The following SIPA1L3 variants were observed in gnomAD, a reference collection of about 807,000 sequenced individuals.
The protein encoded by SIPA1L3 is signal induced proliferation associated 1 like 3, also known as signal-induced proliferation-associated 1-like protein 3.
A neutral mutation model predicts 150.1 loss-of-function variants in SIPA1L3; 59 were observed. The ratio of observed to expected loss-of-function variants is 0.39; its 90% CI spans 0.32 to 0.49. SIPA1L3 has a LOEUF of 0.49. Among genes scored for constraint, SIPA1L3 ranks in the 20% least tolerant of loss-of-function variants. The probability of loss-of-function intolerance (pLI) is 0.86; values close to 1 mark genes in which losing one functional copy is unlikely to be tolerated. For synonymous variants in SIPA1L3, 1,070 were observed against 1,077.6 expected (o/e 0.99, Z 0.14); for missense variants, 2,211 against 2,489.5 (o/e 0.89, Z 2.38).
chr19:38,008,308 A>T (rs937987719), intron 1 of SIPA1L3, among the ~76,000 whole-genome samples: 10 of 138,194 alleles, frequency 7.2e-5, no homozygotes, highest in Non-Finnish European at 4.5e-5. Flanking sequence ...GCTTACTGCA[A>T]CCTCTGCCTC....
chr19:38,136,761 T>A (rs1418603776), intron 10 of SIPA1L3, among the ~76,000 whole-genome samples: 1 of 152,132 alleles, frequency 6.6e-6, no homozygotes, highest in Non-Finnish European at 1.5e-5. Context: ...GAATCTTCAT[T>A]ATTTGCTGAG....
intron 1 of SIPA1L3, among the ~76,000 whole-genome samples, chr19:37,971,953 G>A (rs1271233406): frequency 1.3e-5 from 2 of 152,154 alleles, no homozygotes; most frequent in Non-Finnish European, 2.9e-5. Context: ...CTGTTGTACA[G>A]ATAGACCACA....
intron 1 of SIPA1L3, among the ~76,000 whole-genome samples, chr19:37,945,240 GT>G (rs951711816): frequency 1.2e-4 from 17 of 145,242 alleles, no homozygotes; most frequent in African/African-American, 1.5e-4. Context: ...GTCTTAGGTT[GT>G]TTTTTTTTTT....
At chr19:38,204,067 C>T in intron 20 of SIPA1L3, 60 bp from the exon 21 acceptor site, 7 of 1,399,414 alleles carry the variant, frequency 5.0e-6, no homozygotes, top group Non-Finnish European at 6.9e-6. Flanking sequence ...CAGATGTGGG[C>T]CAGAAGCCTT....
chr19:38,192,684 G>T (rs1972830803), intron 17 of SIPA1L3, among the ~76,000 whole-genome samples: 1 of 152,160 alleles, frequency 6.6e-6, no homozygotes. Flanking sequence ...TCAGACTCTT[G>T]TTACTCAGGG....
intron 2 of SIPA1L3, among the ~76,000 whole-genome samples, chr19:38,037,753 G>C (rs2145733145): frequency 6.6e-6 from 1 of 152,216 alleles, no homozygotes; most frequent in East Asian, 1.9e-4. Context: ...CCAGTAAATA[G>C]AGTAAAACAA....
At chr19:38,192,638 G>C (rs1972829222) in intron 17 of SIPA1L3, among the ~76,000 whole-genome samples, 1 of 152,146 alleles carries the variant, frequency 6.6e-6, no homozygotes, top group South Asian at 2.1e-4. Flanking sequence ...CCAAACCACA[G>C]GGACTGAGAG....
At chr19:38,190,912 C>G (rs1972791285) in intron 16 of SIPA1L3, among the ~76,000 whole-genome samples, 1 of 152,176 alleles carries the variant, frequency 6.6e-6, no homozygotes, top group South Asian at 2.1e-4. Flanking sequence ...GTGTTTCCTG[C>G]CATCTCTGAT....
chr19:37,976,267 T>C (rs779214492), intron 1 of SIPA1L3, among the ~76,000 whole-genome samples: 33 of 152,078 alleles, frequency 2.2e-4, no homozygotes, highest in Non-Finnish European at 4.3e-4. Context: ...GTCTTCGTCT[T>C]GTTGTACGTC....
intron 1 of SIPA1L3, among the ~76,000 whole-genome samples, chr19:37,923,759 T>G (rs1046951022): frequency 2.0e-5 from 3 of 152,106 alleles, no homozygotes. Context: ...TGTTTGGGTT[T>G]TTTTTTTTTC....
chr19:38,027,001 G>A (rs1280702791), intron 1 of SIPA1L3, among the ~76,000 whole-genome samples: 2 of 152,124 alleles, frequency 1.3e-5, no homozygotes, highest in African/African-American at 4.8e-5. Context: ...TAATATAACA[G>A]CATTAATAGG....
At chr19:37,974,331 G>A (rs1440347950) in intron 1 of SIPA1L3, among the ~76,000 whole-genome samples, 1 of 152,030 alleles carries the variant, frequency 6.6e-6, no homozygotes, top group Non-Finnish European at 1.5e-5. Flanking sequence ...GTCAGCCTAG[G>A]CAACATGGTG....
intron 15 of SIPA1L3, among the ~76,000 whole-genome samples, chr19:38,165,489 G>C (rs1187588248): frequency 6.6e-6 from 1 of 152,226 alleles, no homozygotes; most frequent in East Asian, 1.9e-4. Flanking sequence ...GTTGGGGACA[G>C]AGAAGAGGGG....
chr19:38,077,654 T>A (rs371019951), intron 2 of SIPA1L3, among the ~76,000 whole-genome samples: 6 of 125,324 alleles, frequency 4.8e-5, no homozygotes, highest in African/African-American at 1.6e-4. Flanking sequence ...TTTTTCTTTT[T>A]CTTTTTCTTT....
At chr19:38,029,198 C>G (rs1391033809) in intron 2 of SIPA1L3, 42 bp downstream of exon 2, 3 of 152,072 alleles carry the variant, frequency 2.0e-5, no homozygotes, top group African/African-American at 7.2e-5. Flanking sequence ...AATTTTACAA[C>G]TCATACACAT....
chr19:38,107,986 A>G (rs1364521011), intron 7 of SIPA1L3, among the ~76,000 whole-genome samples: 1 of 151,284 alleles, frequency 6.6e-6, no homozygotes, highest in Non-Finnish European at 1.5e-5. Flanking sequence ...CAAAAGAGAA[A>G]AAAAAGCAAA....
In SIPA1L3 at chr19:38,164,837, T is replaced by C. The variant is rs144817985; in HGVS notation, c.4139T>C (p.Leu1380Pro). ...AGQSKGYRPK[L>P]YSSGSSTPTG... ...CAAAGCAAGGGCTACCGACCGAAGC[T>C]GTACTCCTCCGGCTCCAGCACCCCC... The change falls in exon 15 of 22, where the codon CTG (leucine) becomes CCG (proline). Residue 1380 changes from leucine (L) to proline (P), a missense_variant. By Grantham distance (98) the Leu-to-Pro change is moderately conservative. Around this residue, in one of 5 missense-constraint regions of SIPA1L3, gnomAD observed 806 missense variants for 870.1 expected, o/e 0.93. Coordinates refer to ENST00000222345, the MANE Select transcript of SIPA1L3 (RefSeq NM_015073.3). This position sits in a 1 kb window ranked among gnomAD's most constrained non-coding sequence, Gnocchi z 4.1. The C allele has an allele frequency of 6.2e-7, 1 of 1,602,978 alleles. No individual in the cohort carries two copies. The highest frequency in any genetic ancestry group is 1.7e-5 in the Admixed American group (1 of 59,594).
intron 14 of SIPA1L3, among the ~76,000 whole-genome samples, chr19:38,163,312 A>T (rs1035594396): frequency 6.6e-6 from 1 of 152,092 alleles, no homozygotes; most frequent in Non-Finnish European, 1.5e-5. Flanking sequence ...CAACCTAGTA[A>T]AACCCCGTCT....
chr19:38,182,752 G>A lies in SIPA1L3; in HGVS notation c.4430+12G>A, dbSNP rs1250154081. The A allele has an allele frequency of 8.2e-6, 13 of 1,594,162 alleles. No individual in the cohort carries two copies. The highest frequency in any genetic ancestry group is 1.1e-5 in the Non-Finnish European group (13 of 1,169,382). On this transcript the variant is annotated intron_variant, in intron 16 of 21. Transcript: ENST00000222345. ...AGTGACCCAAAGAAGTAAGTGCCTG[G>A]ACGTCCAGCGAGGCGCCCGCCAGAT...
Sources: gnomAD v4.1 joint callset for allele counts (sites outside exome capture counted in the v4.1 genomes callset) on GRCh38, gnomAD v4.1.1 for gene constraint, gnomAD v4.1.1 regional missense constraint, Gnocchi (gnomAD v3.1) non-coding constraint, MANE v1.5 for transcripts, NCBI Gene and HGNC (gene_info 2026-07-23, HGNC 2026-07-21) for gene names.